NAALADL2: variants seen among roughly 807,000 people sequenced by gnomAD.
NAALADL2 encodes the protein inactive N-acetylated-alpha-linked acidic dipeptidase-like protein 2.
NAALADL2 carries 76 observed loss-of-function variants against 87.2 expected under a neutral mutation model. That is an observed-to-expected ratio of 0.87 (90% confidence interval 0.72 to 1.05). NAALADL2 has a LOEUF of 1.05. Among genes scored for constraint, NAALADL2 ranks in the 50% least tolerant of loss-of-function variants. The probability of loss-of-function intolerance (pLI) is 0.00; values close to 1 mark genes in which losing one functional copy is unlikely to be tolerated. For missense variants in NAALADL2, 1,089 were observed against 945.8 expected (o/e 1.15, Z -1.99); for synonymous variants, 354 against 331.0 (o/e 1.07, Z -0.75).
At chr3:175,153,663 AC>A (rs1731884817) in intron 2 of NAALADL2, among the ~76,000 whole-genome samples, 3 of 152,218 alleles carry the variant, frequency 2.0e-5, no homozygotes, top group Admixed American at 1.3e-4. Context: ...AGAAGAGATC[AC>A]CACTCATTAT....
intron 9 of NAALADL2, among the ~76,000 whole-genome samples, chr3:175,524,604 A>G (rs1231124735): frequency 6.6e-6 from 1 of 152,018 alleles, no homozygotes; most frequent in Non-Finnish European, 1.5e-5. Flanking sequence ...TCATATTGCT[A>G]TTTCTCTTTA....
chr3:174,978,419 A>C (rs571728927), intron 1 of NAALADL2, among the ~76,000 whole-genome samples: 1 of 152,210 alleles, frequency 6.6e-6, no homozygotes, highest in East Asian at 1.9e-4. Context: ...TTCAGTCCTC[A>C]CTCTTTTTTA....
At chr3:175,775,619 G>A (rs1273521973) in intron 13 of NAALADL2, among the ~76,000 whole-genome samples, 1 of 152,102 alleles carries the variant, frequency 6.6e-6, no homozygotes, top group Non-Finnish European at 1.5e-5. Context: ...CTCATTAGAT[G>A]TTTCCTTAGC....
intron 3 of NAALADL2, among the ~76,000 whole-genome samples, chr3:174,793,620 T>C (rs1717720931): frequency 6.6e-6 from 1 of 152,130 alleles, no homozygotes; most frequent in African/African-American, 2.4e-5. Context: ...TCATCAGAAG[T>C]ATAGATAGCC....
At chr3:175,725,211 G>C (rs1028473898) in intron 11 of NAALADL2, among the ~76,000 whole-genome samples, 1 of 151,812 alleles carries the variant, frequency 6.6e-6, no homozygotes, top group African/African-American at 2.4e-5. Flanking sequence ...TGTTTCTTTA[G>C]CATTATTACA....
chr3:175,392,935 T>TTC (rs1769250857), intron 5 of NAALADL2, among the ~76,000 whole-genome samples: 2 of 152,124 alleles, frequency 1.3e-5, no homozygotes, highest in African/African-American at 4.8e-5. Flanking sequence ...CAAATCAAAA[T>TTC]CTTTTGAACT....
chr3:175,369,446 G>A (rs569662559), intron 5 of NAALADL2: 1 of 148,056 alleles, frequency 6.8e-6, no homozygotes, highest in East Asian at 2.0e-4. Flanking sequence ...ACATATACAT[G>A]TTACATTTAC....
intron 2 of NAALADL2, among the ~76,000 whole-genome samples, chr3:174,594,970 T>TA (rs1717736315): frequency 6.6e-6 from 1 of 152,182 alleles, no homozygotes; most frequent in Non-Finnish European, 1.5e-5. Flanking sequence ...AAGTAAACTT[T>TA]AAGTGGCCAA....
At chr3:174,642,778 A>G (rs1723373544) in intron 2 of NAALADL2, among the ~76,000 whole-genome samples, 1 of 127,212 alleles carries the variant, frequency 7.9e-6, no homozygotes, top group Non-Finnish European at 1.6e-5. Context: ...ATATATATAT[A>G]TATATATATA....
chr3:174,706,482 T>C (rs1016727983), intron 2 of NAALADL2, among the ~76,000 whole-genome samples: 28 of 152,146 alleles, frequency 1.8e-4, no homozygotes, highest in African/African-American at 6.3e-4. Context: ...TAAAATTTTG[T>C]CCTCTAAAGA....
At chr3:175,152,126 A>G (rs1037535258) in intron 2 of NAALADL2, among the ~76,000 whole-genome samples, 1 of 152,132 alleles carries the variant, frequency 6.6e-6, no homozygotes, top group Non-Finnish European at 1.5e-5. Context: ...AAGTAGGGTT[A>G]TATTGTAGGA....
chr3:175,032,674 C>T (rs9828515), intron 1 of NAALADL2, among the ~76,000 whole-genome samples: 9,768 of 152,048 alleles, frequency 0.064, 329 homozygotes, highest in Middle Eastern at 0.18. Flanking sequence ...GTTCTTCTCA[C>T]GAAAGGTTTT....
intron 1 of NAALADL2, among the ~76,000 whole-genome samples, chr3:174,885,873 GTTGTTTTTTTTTTTTTTTTTTTTTT>G (rs1730042944): frequency 1.2e-5 from 1 of 83,768 alleles, no homozygotes. Context: ...GCCAGTCCGA[GTTGTTTTTTTTTTTTTTTTTTTTTT>G]TTTTTTTTTT....
chr3:175,684,673 T>C (rs1472977423), intron 11 of NAALADL2, among the ~76,000 whole-genome samples: 2 of 151,978 alleles, frequency 1.3e-5, no homozygotes, highest in African/African-American at 2.4e-5. Context: ...TCTGGTGATA[T>C]GTGCCTGTAG....
At chr3:174,641,982 C>G (rs1723241539) in intron 2 of NAALADL2, among the ~76,000 whole-genome samples, 2 of 152,026 alleles carry the variant, frequency 1.3e-5, no homozygotes, top group South Asian at 2.1e-4. Context: ...TGGTCTCAAA[C>G]TCCTGGGCTG....
intron 2 of NAALADL2, among the ~76,000 whole-genome samples, chr3:174,712,407 A>G (rs1419694392): frequency 3.6e-4 from 6 of 16,736 alleles, no homozygotes; most frequent in Admixed American, 1.5e-3. Context: ...TTTTTTTTTG[A>G]GACAGAGTCT....
intron 2 of NAALADL2, among the ~76,000 whole-genome samples, chr3:175,138,133 G>C (rs570359436): frequency 6.6e-6 from 1 of 152,194 alleles, no homozygotes; most frequent in Non-Finnish European, 1.5e-5. Context: ...ACAGAGGATG[G>C]AGTGAGAAAT....
chr3:175,772,357 T>C (rs1205620764), intron 13 of NAALADL2, among the ~76,000 whole-genome samples: 2 of 152,122 alleles, frequency 1.3e-5, no homozygotes, highest in Admixed American at 1.3e-4. Context: ...ACTTTGCCAG[T>C]TGACTCCCTG....
intron 5 of NAALADL2, among the ~76,000 whole-genome samples, chr3:175,390,027 A>C (rs544751327): frequency 2.0e-5 from 3 of 152,216 alleles, no homozygotes; most frequent in Non-Finnish European, 4.4e-5. Flanking sequence ...AATAAGGAAT[A>C]AGATTTATTG....
Sources: gnomAD v4.1 joint callset for allele counts (sites outside exome capture counted in the v4.1 genomes callset) on GRCh38, gnomAD v4.1.1 for gene constraint, MANE v1.5 for transcripts, NCBI Gene and HGNC (gene_info 2026-07-23, HGNC 2026-07-21) for gene names.